ST6GAL1: variants seen among roughly 807,000 people sequenced by gnomAD.
ST6GAL1 encodes the protein ST6 beta-galactoside alpha-2,6-sialyltransferase 1.
ST6GAL1 carries 20 observed loss-of-function variants against 38.0 expected under a neutral mutation model. The ratio of observed to expected loss-of-function variants is 0.53; its 90% CI spans 0.37 to 0.77. ST6GAL1 has a LOEUF of 0.77. ST6GAL1 is among the 30% of genes least tolerant of loss of function. The pLI is 0.00. For synonymous variants in ST6GAL1, 196 were observed against 188.2 expected, an observed-to-expected ratio of 1.04 and a Z score of -0.34; for missense variants, 432 against 496.4, an observed-to-expected ratio of 0.87 and a Z score of 1.23.
intron 1 of ST6GAL1, among the ~76,000 whole-genome samples, chr3:186,962,924 A>G (rs1440015791): frequency 6.6e-6 from 1 of 152,194 alleles, no homozygotes; most frequent in Non-Finnish European, 1.5e-5. Context: ...CACGGCACTT[A>G]CTAAACCATG....
At chr3:186,993,583 TA>T (rs373101850) in intron 2 of ST6GAL1, among the ~76,000 whole-genome samples, 7,528 of 148,208 alleles carry the variant, frequency 0.051, 302 homozygotes, top group Admixed American at 0.088. Flanking sequence ...TTTATTTATT[TA>T]TTTATTTATT....
chr3:186,962,530 A>G (rs1714968732), intron 1 of ST6GAL1, among the ~76,000 whole-genome samples: 1 of 152,004 alleles, frequency 6.6e-6, no homozygotes, highest in South Asian at 2.1e-4. Flanking sequence ...GGCTTGGGGG[A>G]GAGAGGAGTG....
chr3:187,048,774 T>G (rs1718398245), intron 4 of ST6GAL1, among the ~76,000 whole-genome samples: 1 of 152,016 alleles, frequency 6.6e-6, no homozygotes, highest in Non-Finnish European at 1.5e-5. Context: ...ATGGTCAACA[T>G]CAAGCATCTG....
chr3:186,939,086 T>C (rs1714070211), intron 1 of ST6GAL1, among the ~76,000 whole-genome samples: 1 of 140,992 alleles, frequency 7.1e-6, no homozygotes, highest in Non-Finnish European at 1.5e-5. Flanking sequence ...TTTTTTTTTC[T>C]TTTTTGAGAC....
rs551793872 is a variant in ST6GAL1 at position 186,940,820 on chromosome 3, A to G, written c.-325+9986A>G. ...TTTTTTCATAGCTGCATTGCATTCTATATTTTGAATGTGTTTACCTTACCA... is the reference window on the plus strand; with the variant it reads ...TTTTTTCATAGCTGCATTGCATTCTGTATTTTGAATGTGTTTACCTTACCA... On this transcript the variant is annotated intron_variant, in intron 1 of 7. Coordinates refer to ENST00000169298, the MANE Select transcript of ST6GAL1 (RefSeq NM_173216.2). Among the ~76,000 whole-genome samples, 95 of 137,174 alleles carry G rather than the reference A, an allele frequency of 6.9e-4. 1 individual carries two copies. The highest frequency in any genetic ancestry group is 2.5e-3 in the African/African-American group (92 of 36,576). 90.0% of individuals were successfully genotyped at this position (137,174 alleles called of 152,430 possible).
chr3:186,931,926 C>CAT (rs557162749), intron 1 of ST6GAL1, among the ~76,000 whole-genome samples: 38 of 152,370 alleles, frequency 2.5e-4, no homozygotes, highest in South Asian at 1.2e-3. Flanking sequence ...TCTTTGCTTA[C>CAT]ATATGCTCAG....
intron 5 of ST6GAL1, among the ~76,000 whole-genome samples, chr3:187,070,476 G>GT (rs1294976882): frequency 2.1e-4 from 31 of 145,942 alleles, no homozygotes; most frequent in Admixed American, 5.5e-4. Flanking sequence ...CCAGGCTGGA[G>GT]TGCAGTGGTG....
chr3:186,965,325 C>T (rs1014387308), intron 2 of ST6GAL1, among the ~76,000 whole-genome samples: 1 of 152,194 alleles, frequency 6.6e-6, no homozygotes, highest in African/African-American at 2.4e-5. Context: ...GGGGGACTTC[C>T]TGCCAAATGT....
intron 1 of ST6GAL1, among the ~76,000 whole-genome samples, chr3:186,960,724 C>T (rs984958227): frequency 2.6e-5 from 4 of 151,342 alleles, no homozygotes; most frequent in African/African-American, 7.3e-5. Flanking sequence ...AGCAATCTAG[C>T]GTGGTCCTGT....
intron 2 of ST6GAL1, among the ~76,000 whole-genome samples, chr3:187,008,411 G>A (rs1716852268): frequency 1.3e-5 from 2 of 152,050 alleles, no homozygotes; most frequent in South Asian, 2.1e-4. Flanking sequence ...CTATTCGAAT[G>A]ACTGTCCATT....
chr3:186,991,212 C>T (rs546447626), intron 2 of ST6GAL1, among the ~76,000 whole-genome samples: 3 of 152,204 alleles, frequency 2.0e-5, no homozygotes, highest in African/African-American at 7.2e-5. Flanking sequence ...GTGGTTCTCC[C>T]AGAGATGCCT....
intron 2 of ST6GAL1, among the ~76,000 whole-genome samples, chr3:187,016,916 C>G (rs951858032): frequency 3.4e-4 from 51 of 152,210 alleles, no homozygotes; most frequent in African/African-American, 9.2e-4. Flanking sequence ...AAAGGCCCAC[C>G]TCAATGCAAG....
intron 5 of ST6GAL1, among the ~76,000 whole-genome samples, chr3:187,060,305 C>A (rs759190050): frequency 1.3e-5 from 2 of 152,090 alleles, no homozygotes; most frequent in Admixed American, 6.5e-5. Context: ...GGATTACAGG[C>A]GCCCACAACC....
intron 1 of ST6GAL1, among the ~76,000 whole-genome samples, chr3:186,934,278 A>G (rs1377133353): frequency 6.6e-6 from 1 of 152,132 alleles, no homozygotes; most frequent in East Asian, 1.9e-4. Context: ...GGCTCACTCC[A>G]GTAATCACAG....
At chr3:186,988,436 C>T (rs970632205) in intron 2 of ST6GAL1, among the ~76,000 whole-genome samples, 5 of 151,906 alleles carry the variant, frequency 3.3e-5, no homozygotes, top group African/African-American at 1.2e-4. Flanking sequence ...AATCGAGATT[C>T]CCTATAAATT....
intron 2 of ST6GAL1, among the ~76,000 whole-genome samples, chr3:186,968,132 A>G (rs1715213532): frequency 6.6e-6 from 1 of 152,204 alleles, no homozygotes; most frequent in South Asian, 2.1e-4. Context: ...GAAAGGCATC[A>G]CAGTACGGAG....
chr3:186,944,067 T>C (rs927665046), intron 1 of ST6GAL1, among the ~76,000 whole-genome samples: 19 of 152,246 alleles, frequency 1.2e-4, no homozygotes, highest in African/African-American at 4.6e-4. Context: ...TGACAGGTTT[T>C]CTGAGTCTTG....
intron 4 of ST6GAL1, among the ~76,000 whole-genome samples, chr3:187,049,037 C>T (rs953281731): frequency 2.6e-5 from 4 of 151,872 alleles, no homozygotes; most frequent in South Asian, 2.1e-4. Flanking sequence ...ATTACAGGTG[C>T]GTGCCACCAC....
At chr3:187,073,887 G>A (rs1256593655) in intron 6 of ST6GAL1, 3 of 316,578 alleles carry the variant, frequency 9.5e-6, no homozygotes, top group Non-Finnish European at 1.1e-5. Context: ...GAGTGTTCCC[G>A]GACTCTGATC....
Sources: allele counts gnomAD v4.1 joint callset (sites outside exome capture counted in the v4.1 genomes callset), GRCh38; gene constraint gnomAD v4.1.1; transcripts MANE v1.5; gene names NCBI Gene and HGNC (gene_info 2026-07-23, HGNC 2026-07-21).